The following KHDRBS2 variants were observed in gnomAD, a reference collection of about 807,000 sequenced individuals.
KHDRBS2 encodes KH RNA binding domain containing, signal transduction associated 2, also known as KH domain-containing, RNA-binding, signal transduction-associated protein 2.
Under a neutral mutation model 44.3 loss-of-function variants are expected in KHDRBS2, and 26 were observed. The observed-to-expected ratio is 0.59, with a 90% CI of 0.43 to 0.81. The LOEUF is 0.81. KHDRBS2 is among the 40% of genes least tolerant of loss of function. KHDRBS2 has a pLI of 0.00. For missense variants in KHDRBS2, 476 were observed against 433.1 expected (o/e 1.10, Z -0.88); for synonymous variants, 194 against 151.1 (o/e 1.28, Z -2.08).
chr6:61,743,066 T>C (rs915057061), intron 6 of KHDRBS2, among the ~76,000 whole-genome samples: 8 of 152,072 alleles, frequency 5.3e-5, no homozygotes, highest in African/African-American at 1.7e-4. Context: ...GGGAGGCTAA[T>C]GCTAACTTTT....
At chr6:61,674,859 C>T in the KHDRBS2 span, among the ~76,000 whole-genome samples, 1 of 151,328 alleles carries the variant, frequency 6.6e-6, no homozygotes, top group East Asian at 2.0e-4. Context: ...ATTACATGAA[C>T]GAAAATATAG....
chr6:62,112,239 A>T (rs184630609), intron 2 of KHDRBS2, among the ~76,000 whole-genome samples: 1 of 152,294 alleles, frequency 6.6e-6, no homozygotes, highest in Non-Finnish European at 1.5e-5. Context: ...ACTAAAGTTG[A>T]CATTTATACT....
intron 6 of KHDRBS2, among the ~76,000 whole-genome samples, chr6:61,797,473 C>A (rs1269071495): frequency 6.6e-6 from 1 of 152,104 alleles, no homozygotes; most frequent in Non-Finnish European, 1.5e-5. Context: ...TGTCAAGATT[C>A]AATCATTTTC....
At chr6:61,733,435 T>C (rs1357989894) in intron 6 of KHDRBS2, among the ~76,000 whole-genome samples, 4 of 151,580 alleles carry the variant, frequency 2.6e-5, no homozygotes, top group Non-Finnish European at 5.9e-5. Context: ...TACTAAAAAA[T>C]ACAAAAAAAT....
chr6:61,954,788 ACATG>A (rs1765886724), intron 4 of KHDRBS2, among the ~76,000 whole-genome samples: 1 of 110,046 alleles, frequency 9.1e-6, no homozygotes, highest in Non-Finnish European at 1.9e-5. Context: ...GTGTATATAC[ACATG>A]CATATGTATG....
At chr6:61,861,853 T>A (rs1295425022) in intron 6 of KHDRBS2, among the ~76,000 whole-genome samples, 1 of 152,188 alleles carries the variant, frequency 6.6e-6, no homozygotes, top group Non-Finnish European at 1.5e-5. Context: ...GAGCTTGGAA[T>A]CTTTTTCCAT....
chr6:61,764,095 G>A (rs764965112), intron 6 of KHDRBS2, among the ~76,000 whole-genome samples: 2 of 152,062 alleles, frequency 1.3e-5, no homozygotes, highest in African/African-American at 4.8e-5. Flanking sequence ...GTGGTTTTCT[G>A]TTCCTGTGTT....
At chr6:62,273,469 T>A (rs776282691) in intron 1 of KHDRBS2, among the ~76,000 whole-genome samples, 36 of 152,326 alleles carry the variant, frequency 2.4e-4, no homozygotes, top group Non-Finnish European at 5.1e-4. Flanking sequence ...ATTCTTCAAA[T>A]ACCCTATTTA....
At chr6:61,864,134 T>C (rs546499735) in intron 6 of KHDRBS2, among the ~76,000 whole-genome samples, 1 of 152,148 alleles carries the variant, frequency 6.6e-6, no homozygotes, top group African/African-American at 2.4e-5. Flanking sequence ...TTTTCCATTT[T>C]TTCTCCTTCC....
At chr6:61,799,665 T>C (rs1785946712) in intron 6 of KHDRBS2, among the ~76,000 whole-genome samples, 1 of 151,972 alleles carries the variant, frequency 6.6e-6, no homozygotes, top group South Asian at 2.1e-4. Flanking sequence ...CTCTCCATAG[T>C]GTTATATATA....
intron 1 of KHDRBS2, among the ~76,000 whole-genome samples, chr6:62,267,452 A>G (rs1839388122): frequency 6.6e-6 from 1 of 152,084 alleles, no homozygotes; most frequent in African/African-American, 2.4e-5. Context: ...CAGCCAGGTG[A>G]ACAAGGGTCC....
the KHDRBS2 span, among the ~76,000 whole-genome samples, chr6:61,594,165 C>T: frequency 6.6e-6 from 1 of 151,950 alleles, no homozygotes; most frequent in East Asian, 1.9e-4. Flanking sequence ...CATCCAATTC[C>T]TGTAAGCTAC....
At chr6:62,030,247 T>C (rs1784103450) in intron 3 of KHDRBS2, among the ~76,000 whole-genome samples, 1 of 152,112 alleles carries the variant, frequency 6.6e-6, no homozygotes, top group Admixed American at 6.6e-5. Flanking sequence ...CAAAGTCTGA[T>C]ATAATTCTTT....
chr6:61,810,684 G>A (rs1430859025), intron 6 of KHDRBS2, among the ~76,000 whole-genome samples: 1 of 151,920 alleles, frequency 6.6e-6, no homozygotes, highest in Non-Finnish European at 1.5e-5. Context: ...AATAAAGACA[G>A]CAAAAATACT....
chr6:62,131,406 T>C (rs1810285068), intron 2 of KHDRBS2, among the ~76,000 whole-genome samples: 1 of 152,198 alleles, frequency 6.6e-6, no homozygotes. Context: ...GGGCTACTTA[T>C]GAAGATTAGA....
chr6:61,718,366 T>C (rs1771789991), intron 7 of KHDRBS2, among the ~76,000 whole-genome samples: 1 of 152,138 alleles, frequency 6.6e-6, no homozygotes, highest in Non-Finnish European at 1.5e-5. Flanking sequence ...AGCATTACTG[T>C]TTCCATAACA....
At chr6:61,990,420 A>G (rs1775910150) in intron 3 of KHDRBS2, among the ~76,000 whole-genome samples, 1 of 152,222 alleles carries the variant, frequency 6.6e-6, no homozygotes, top group South Asian at 2.1e-4. Flanking sequence ...GAATGTGATG[A>G]TTACAATGGC....
At chr6:62,101,366 A>C (rs1413904070) in intron 2 of KHDRBS2, among the ~76,000 whole-genome samples, 1 of 152,144 alleles carries the variant, frequency 6.6e-6, no homozygotes, top group Non-Finnish European at 1.5e-5. Flanking sequence ...TTTCTAAGTA[A>C]CTGCAAGGTC....
At chr6:62,275,008 TACACACACAC>T (rs145870587) in intron 1 of KHDRBS2, among the ~76,000 whole-genome samples, 5 of 142,384 alleles carry the variant, frequency 3.5e-5, no homozygotes, top group Admixed American at 7.2e-5. Context: ...GCTCATCAAA[TACACACACAC>T]ACACACACAC....
Sources: gnomAD v4.1 joint callset for allele counts (sites outside exome capture counted in the v4.1 genomes callset) on GRCh38, gnomAD v4.1.1 for gene constraint, MANE v1.5 for transcripts, NCBI Gene and HGNC (gene_info 2026-07-23, HGNC 2026-07-21) for gene names.